SSBP2: variants seen among roughly 807,000 people sequenced by gnomAD.
SSBP2 encodes single-stranded DNA-binding protein 2.
Under a neutral mutation model 61.8 loss-of-function variants are expected in SSBP2, and 17 were observed. The ratio of observed to expected loss-of-function variants is 0.28; its 90% CI spans 0.19 to 0.41. SSBP2 has a LOEUF of 0.41. Ranked by LOEUF, SSBP2 falls within the 10% of genes least tolerant of loss-of-function variation. SSBP2 has a pLI of 1.00. For missense variants in SSBP2, 310 were observed against 458.7 expected, an observed-to-expected ratio of 0.68 and a Z score of 2.96; for synonymous variants, 139 against 141.3, an observed-to-expected ratio of 0.98 and a Z score of 0.12.
intron 1 of SSBP2, among the ~76,000 whole-genome samples, chr5:81,731,801 T>C (rs1000749517): frequency 6.6e-6 from 1 of 151,322 alleles, no homozygotes; most frequent in African/African-American, 2.4e-5. Flanking sequence ...CCAAACAGAA[T>C]TGTCTTTTAT....
chr5:81,513,320 C>A (rs1305465570), intron 5 of SSBP2, among the ~76,000 whole-genome samples: 1 of 152,076 alleles, frequency 6.6e-6, no homozygotes, highest in Admixed American at 6.6e-5. Flanking sequence ...TCCAGAACCT[C>A]ATATTTAGTC....
At chr5:81,533,643 C>G (rs1770585540) in intron 4 of SSBP2, among the ~76,000 whole-genome samples, 1 of 152,048 alleles carries the variant, frequency 6.6e-6, no homozygotes. Flanking sequence ...ATCCAGTGAA[C>G]AGATGAGGTC....
At chr5:81,466,409 C>T (rs1462647169) in intron 9 of SSBP2, among the ~76,000 whole-genome samples, 1 of 151,988 alleles carries the variant, frequency 6.6e-6, no homozygotes, top group Non-Finnish European at 1.5e-5. Flanking sequence ...AAACAAAATT[C>T]ATCCTACGCT....
intron 3 of SSBP2, among the ~76,000 whole-genome samples, chr5:81,630,534 A>C (rs887872094): frequency 6.6e-6 from 1 of 152,170 alleles, no homozygotes; most frequent in Admixed American, 6.5e-5. Context: ...TAAAACATTA[A>C]AAAACTGTAC....
chr5:81,517,215 T>G (rs1769097501), intron 4 of SSBP2, among the ~76,000 whole-genome samples: 1 of 152,058 alleles, frequency 6.6e-6, no homozygotes, highest in Non-Finnish European at 1.5e-5. Flanking sequence ...AAACTGAATA[T>G]ATAAGACTTC....
rs1554059159 is a variant in SSBP2 at position 81,415,922 on chromosome 5, A to AAAAAAGAAAAG, written c.*4581_*4582insCTTTTCTTTTT. On this transcript the variant is annotated 3_prime_UTR_variant, in exon 17 of 17. Transcript: ENST00000320672. ...GCAAGATTCTGACTCAAAAAAAAAA[A>AAAAAAGAAAAG]AAAAAAAGAGGAAAACCTGATCAAG... is the stretch of plus-strand genomic sequence containing the variant. The AAAAAAGAAAAG allele has an allele frequency of 6.8e-5, 5 of 73,744 alleles. No homozygotes were observed. Among genetic ancestry groups the AAAAAAGAAAAG allele is most frequent in the African/African-American group, 1.5e-4 (1 of 6,788 alleles). The allele number at this position is 73,744 out of a possible 1,614,324, so 4.6% of individuals were successfully genotyped here.
chr5:81,734,250 AC>A (rs1427043721), intron 1 of SSBP2, among the ~76,000 whole-genome samples: 1 of 152,210 alleles, frequency 6.6e-6, no homozygotes, highest in East Asian at 1.9e-4. Flanking sequence ...TAACAAAAAA[AC>A]CTTCCATACT....
At chr5:81,637,179 A>G (rs1748318622) in intron 2 of SSBP2, among the ~76,000 whole-genome samples, 1 of 152,228 alleles carries the variant, frequency 6.6e-6, no homozygotes, top group African/African-American at 2.4e-5. Flanking sequence ...CAGCTGGGCA[A>G]TATCTCTCTT....
At chr5:81,493,823 C>T (rs531641969) in intron 5 of SSBP2, among the ~76,000 whole-genome samples, 10 of 152,128 alleles carry the variant, frequency 6.6e-5, no homozygotes, top group Middle Eastern at 3.4e-3. Context: ...GTCTCAAACT[C>T]CTGGGCTCAA....
At chr5:81,668,217 T>C (rs1751308089) in intron 1 of SSBP2, among the ~76,000 whole-genome samples, 1 of 113,938 alleles carries the variant, frequency 8.8e-6, no homozygotes, top group African/African-American at 3.5e-5. Context: ...CACTACCCAG[T>C]AGACTTAAAG....
At chr5:81,519,570 T>C (rs1337820147) in intron 4 of SSBP2, among the ~76,000 whole-genome samples, 2 of 152,148 alleles carry the variant, frequency 1.3e-5, no homozygotes, top group African/African-American at 2.4e-5. Flanking sequence ...TTCCAGAACA[T>C]TGGTCTTAAG....
At chr5:81,630,355 A>G (rs1437449068) in intron 3 of SSBP2, among the ~76,000 whole-genome samples, 1 of 152,202 alleles carries the variant, frequency 6.6e-6, no homozygotes, top group Admixed American at 6.5e-5. Context: ...CTAGCGAAAC[A>G]CAATAATCAG....
At chr5:81,706,951 G>C (rs1209281662) in intron 1 of SSBP2, among the ~76,000 whole-genome samples, 1 of 152,162 alleles carries the variant, frequency 6.6e-6, no homozygotes, top group Non-Finnish European at 1.5e-5. Context: ...GAAGAGCTTA[G>C]TTCTCAGTTA....
chr5:81,566,945 G>A (rs1039949673), intron 4 of SSBP2, among the ~76,000 whole-genome samples: 1 of 152,198 alleles, frequency 6.6e-6, no homozygotes, highest in African/African-American at 2.4e-5. Flanking sequence ...GTATCTGACA[G>A]AAGAAATTCC....
intron 4 of SSBP2, among the ~76,000 whole-genome samples, chr5:81,605,453 C>T (rs1173881495): frequency 6.6e-6 from 1 of 152,102 alleles, no homozygotes; most frequent in Non-Finnish European, 1.5e-5. Context: ...AGTTCCCTAT[C>T]CATCTCCCTT....
At chr5:81,449,201 A>C (rs991785407) in intron 10 of SSBP2, among the ~76,000 whole-genome samples, 1 of 152,166 alleles carries the variant, frequency 6.6e-6, no homozygotes, top group Middle Eastern at 3.2e-3. Flanking sequence ...TACAATTTCT[A>C]AGCTATGCAA....
intron 2 of SSBP2, among the ~76,000 whole-genome samples, chr5:81,641,751 C>A (rs1748806430): frequency 6.6e-6 from 1 of 152,160 alleles, no homozygotes; most frequent in African/African-American, 2.4e-5. Context: ...GAGAAACATT[C>A]ACTAGTGGTG....
intron 1 of SSBP2, among the ~76,000 whole-genome samples, chr5:81,714,969 G>A (rs969078368): frequency 1.3e-5 from 2 of 152,070 alleles, no homozygotes; most frequent in African/African-American, 4.8e-5. Context: ...CAAGAGAATT[G>A]TTTTAATCTG....
intron 4 of SSBP2, among the ~76,000 whole-genome samples, chr5:81,580,110 T>G (rs1360117830): frequency 6.6e-6 from 1 of 152,090 alleles, no homozygotes; most frequent in Non-Finnish European, 1.5e-5. Context: ...TTTGAAAATG[T>G]GAACTGTGAG....
Sources: gnomAD v4.1 joint callset for allele counts (sites outside exome capture counted in the v4.1 genomes callset) on GRCh38, gnomAD v4.1.1 for gene constraint, MANE v1.5 for transcripts, NCBI Gene and HGNC (gene_info 2026-07-23, HGNC 2026-07-21) for gene names.